Variants in FGF12 observed in about 807,000 individuals in gnomAD.
FGF12 encodes the protein fibroblast growth factor 12B.
A neutral mutation model predicts 23.6 loss-of-function variants in FGF12; 14 were observed. The observed-to-expected ratio is 0.59, with a 90% confidence interval of 0.39 to 0.93. The LOEUF (loss-of-function observed/expected upper bound fraction) is 0.93, where lower values mean the gene tolerates loss of function less well. FGF12 is among the 40% of genes least tolerant of loss of function. The probability of loss-of-function intolerance (pLI) is 0.00; values close to 1 mark genes in which losing one functional copy is unlikely to be tolerated. For synonymous variants in FGF12, 62 were observed against 77.3 expected, an observed-to-expected ratio of 0.80 and a Z score of 1.04; for missense variants, 175 against 217.8, an observed-to-expected ratio of 0.80 and a Z score of 1.24.
rs1053504197 is a variant in FGF12 at position 192,197,511 on chromosome 3, C to G, written c.229-26855G>C. The stretch of plus-strand genomic sequence containing the variant: ...TTAAGTACCATAAAGATCATAAGGA[C>G]CTTATAAGTCCCTCTGCATTTGAAA... On this transcript the variant is annotated intron_variant, in intron 4 of 5. Coordinates refer to ENST00000445105, the MANE Select transcript of FGF12 (RefSeq NM_004113.6). 1.3e-5 allele frequency among the ~76,000 whole-genome samples: 2 copies of G among 152,028 alleles called. 1 individual carries two copies. The highest frequency in any genetic ancestry group is 6.3e-3 in the Middle Eastern group (2 of 316).
intron 4 of FGF12, among the ~76,000 whole-genome samples, chr3:192,213,969 A>C (rs995545910): frequency 3.9e-5 from 6 of 152,218 alleles, no homozygotes; most frequent in African/African-American, 7.2e-5. Context: ...GAAAGACCCA[A>C]GTCAAGAAAA....
rs550324848 is a variant in FGF12, at chr3:192,363,749, A to C, written c.14-3211T>G. ...GTAAGTGAGAATCTCCTTTACGATG[A>C]GGAAAACCAGAACATGTTTTGCTCT... On this transcript the variant is annotated intron_variant, in intron 2 of 5. Coordinates refer to ENST00000445105, the MANE Select transcript of FGF12 (RefSeq NM_004113.6). 2.0e-5 allele frequency among the ~76,000 whole-genome samples: 3 copies of C among 152,324 alleles called. No individual in the cohort carries two copies. The East Asian group carries it at 5.8e-4, about 29-fold the overall frequency.
intron 2 of FGF12, among the ~76,000 whole-genome samples, chr3:192,482,103 C>G (rs1723496250): frequency 6.6e-6 from 1 of 152,240 alleles, no homozygotes; most frequent in South Asian, 2.1e-4. Context: ...ATGGTAAGAA[C>G]ATTGCACCTC....
chr3:192,539,938 A>G (rs1487850018), intron 2 of FGF12, among the ~76,000 whole-genome samples: 1 of 151,938 alleles, frequency 6.6e-6, no homozygotes, highest in Non-Finnish European at 1.5e-5. Context: ...GTTGGCATAG[A>G]GTTGTTTACA....
intron 4 of FGF12, among the ~76,000 whole-genome samples, chr3:192,229,257 T>G (rs182084291): frequency 1.3e-5 from 2 of 152,162 alleles, no homozygotes; most frequent in East Asian, 3.9e-4. Context: ...GTCTTTCCAT[T>G]TTACCAAGCC....
At chr3:192,424,511 A>C (rs1359704866) in intron 2 of FGF12, among the ~76,000 whole-genome samples, 1 of 152,184 alleles carries the variant, frequency 6.6e-6, no homozygotes, top group Admixed American at 6.5e-5. Flanking sequence ...TCACATAACT[A>C]ATTTCTTTAA....
chr3:192,607,856 A>G (rs1254734915), intron 2 of FGF12, among the ~76,000 whole-genome samples: 2 of 151,418 alleles, frequency 1.3e-5, no homozygotes, highest in African/African-American at 4.8e-5. Context: ...TAAAAAAAAA[A>G]AAAAAAAAAA....
intron 2 of FGF12, among the ~76,000 whole-genome samples, chr3:192,657,420 T>TAAAAA (rs10663419): frequency 9.0e-5 from 13 of 144,422 alleles, no homozygotes; most frequent in South Asian, 2.2e-4. Context: ...AGAGAACTAT[T>TAAAAA]AAAAAAAAAA....
At chr3:192,201,456 C>T (rs2108662201) in intron 4 of FGF12, among the ~76,000 whole-genome samples, 1 of 152,300 alleles carries the variant, frequency 6.6e-6, no homozygotes, top group Middle Eastern at 3.4e-3. Context: ...TGCCATTTTA[C>T]AAAATACAAT....
At chr3:192,262,413 A>T (rs1172540985) in intron 4 of FGF12, among the ~76,000 whole-genome samples, 4 of 152,186 alleles carry the variant, frequency 2.6e-5, no homozygotes, top group Admixed American at 2.0e-4. Flanking sequence ...TGGTTTTTAG[A>T]TCTGACTGCA....
chr3:192,216,661 A>C (rs546370101), intron 4 of FGF12, among the ~76,000 whole-genome samples: 42 of 152,332 alleles, frequency 2.8e-4, no homozygotes, highest in African/African-American at 8.2e-4. Flanking sequence ...GTAGAAAACA[A>C]TCTCTAAATA....
chr3:192,221,595 T>TTAAATATCTACATTTTGGAC (rs1318671739), intron 4 of FGF12, among the ~76,000 whole-genome samples: 1 of 152,174 alleles, frequency 6.6e-6, no homozygotes, highest in Admixed American at 6.5e-5. Context: ...AAATAGTCCT[T>TTAAATATCTACATTTTGGAC]TAAATATCTA....
intron 2 of FGF12, among the ~76,000 whole-genome samples, chr3:192,600,087 G>C (rs773634533): frequency 6.6e-6 from 1 of 152,074 alleles, no homozygotes; most frequent in Non-Finnish European, 1.5e-5. Context: ...CAGGGACCTA[G>C]TTCCATTCTT....
intron 2 of FGF12, among the ~76,000 whole-genome samples, chr3:192,579,151 T>C (rs1165198736): frequency 6.6e-6 from 1 of 152,218 alleles, no homozygotes; most frequent in Non-Finnish European, 1.5e-5. Context: ...GGTTTCAATG[T>C]TATTTCCATC....
At chr3:192,349,779 C>T (rs1429141062) in intron 3 of FGF12, among the ~76,000 whole-genome samples, 1 of 152,046 alleles carries the variant, frequency 6.6e-6, no homozygotes, top group Non-Finnish European at 1.5e-5. Context: ...ATTCTCAAGA[C>T]AAAATGCAAG....
At position 192,360,170 on chromosome 3, in the gene FGF12, T is replaced by C. The variant is rs1365382933; in HGVS notation, c.124+258A>G. Among the ~76,000 whole-genome samples, 3 of 152,154 alleles carry C rather than the reference T, an allele frequency of 2.0e-5. No individual in the cohort carries two copies. Among genetic ancestry groups the C allele is most frequent in the Admixed American group, 6.6e-5 (1 of 15,256 alleles). ...ATCATCATGCTGCCTAAAAACACTG[T>C]GATGGGAGTATATTCTTGCCCATTG... On this transcript the variant is annotated intron_variant, in intron 3 of 5. Coordinates refer to ENST00000445105, the MANE Select transcript of FGF12 (RefSeq NM_004113.6). This position sits in a 1 kb window ranked among gnomAD's most constrained non-coding sequence, Gnocchi z 4.3.
At chr3:192,342,682 C>T (rs539316798) in intron 3 of FGF12, among the ~76,000 whole-genome samples, 6 of 151,878 alleles carry the variant, frequency 4.0e-5, no homozygotes, top group Admixed American at 3.9e-4. Context: ...AGGCTGAGGT[C>T]GGAGGATAGC....
intron 2 of FGF12, among the ~76,000 whole-genome samples, chr3:192,488,752 A>G (rs1723712363): frequency 1.3e-5 from 2 of 152,042 alleles, no homozygotes; most frequent in African/African-American, 4.8e-5. Context: ...GATTCCTAAG[A>G]CTTGTTTAAA....
chr3:192,329,522 G>A (rs1716998132), intron 4 of FGF12, among the ~76,000 whole-genome samples: 1 of 151,950 alleles, frequency 6.6e-6, no homozygotes, highest in African/African-American at 2.4e-5. Flanking sequence ...ATTTATACAA[G>A]GTTCAGTTCA....
Sources: gnomAD v4.1 joint callset for allele counts (sites outside exome capture counted in the v4.1 genomes callset) on GRCh38, gnomAD v4.1.1 for gene constraint, Gnocchi (gnomAD v3.1) non-coding constraint, MANE v1.5 for transcripts, NCBI Gene and HGNC (gene_info 2026-07-23, HGNC 2026-07-21) for gene names.